MRAS: variants seen among roughly 807,000 people sequenced by gnomAD.
The protein encoded by MRAS is muscle RAS oncogene homolog.
A neutral mutation model predicts 20.9 loss-of-function variants in MRAS; 4 were observed. That is an observed-to-expected ratio of 0.19 (90% CI 0.09 to 0.44). The LOEUF (loss-of-function observed/expected upper bound fraction) is 0.44. Ranked by LOEUF, MRAS falls within the 20% of genes least tolerant of loss-of-function variation. The pLI is 0.99. For missense variants in MRAS, 154 were observed against 277.5 expected (o/e 0.56, Z 3.16); for synonymous variants, 98 against 102.9 (o/e 0.95, Z 0.29).
At chr3:138,398,215 G>C (rs911157033) in intron 3 of MRAS, among the ~76,000 whole-genome samples, 5 of 152,206 alleles carry the variant, frequency 3.3e-5, no homozygotes. Context: ...CCCCTGGCCA[G>C]CAGCCCCTCA....
intron 1 of MRAS, among the ~76,000 whole-genome samples, chr3:138,367,037 T>G (rs1249329962): frequency 6.6e-6 from 1 of 152,184 alleles, no homozygotes; most frequent in African/African-American, 2.4e-5. Context: ...GTGGCAAATT[T>G]CGTGAGGGGT....
At chr3:138,400,212 T>C in intron 4 of MRAS, 1 of 227,152 alleles carries the variant, frequency 4.4e-6, no homozygotes, top group South Asian at 7.7e-5. Flanking sequence ...GAAAAATGGA[T>C]AGAATCAGAA....
chr3:138,369,430 A>AGGACACATT, intron 1 of MRAS, among the ~76,000 whole-genome samples: 1 of 152,272 alleles, frequency 6.6e-6, no homozygotes, highest in South Asian at 2.1e-4. Context: ...GTGTGACCAC[A>AGGACACATT]GGACACATTG....
chr3:138,371,562 G>A (rs955219701), intron 1 of MRAS, among the ~76,000 whole-genome samples: 1 of 152,060 alleles, frequency 6.6e-6, no homozygotes, highest in Non-Finnish European at 1.5e-5. Context: ...CCAGTCACAC[G>A]TACACCATGC....
chr3:138,369,345 G>A (rs192346688), intron 1 of MRAS, among the ~76,000 whole-genome samples: 2 of 152,324 alleles, frequency 1.3e-5, no homozygotes, highest in East Asian at 3.9e-4. Flanking sequence ...AAGCGCAGGT[G>A]GAGGCAGTGC....
At chr3:138,386,005 G>A (rs970396806) in intron 2 of MRAS, among the ~76,000 whole-genome samples, 3 of 152,166 alleles carry the variant, frequency 2.0e-5, no homozygotes, top group African/African-American at 4.8e-5. Flanking sequence ...CCACCCTAGC[G>A]AGAGGGCAGG....
At chr3:138,351,221 C>G (rs1456497820) in intron 1 of MRAS, among the ~76,000 whole-genome samples, 1 of 150,942 alleles carries the variant, frequency 6.6e-6, no homozygotes, top group Admixed American at 6.7e-5. Flanking sequence ...GAGTGTGTCT[C>G]CCTGAAAGCA....
intron 2 of MRAS, among the ~76,000 whole-genome samples, chr3:138,378,118 A>G (rs1411570016): frequency 6.6e-6 from 1 of 152,138 alleles, no homozygotes. Context: ...GTGTGGCTGA[A>G]CTATCATACC....
At chr3:138,355,537 T>C (rs1370698617) in intron 1 of MRAS, among the ~76,000 whole-genome samples, 1 of 152,238 alleles carries the variant, frequency 6.6e-6, no homozygotes, top group Non-Finnish European at 1.5e-5. Flanking sequence ...TCATCTGGTT[T>C]CATAATAGAT....
intron 1 of MRAS, among the ~76,000 whole-genome samples, chr3:138,370,426 G>A (rs2054650749): frequency 6.6e-6 from 1 of 152,192 alleles, no homozygotes; most frequent in African/African-American, 2.4e-5. Flanking sequence ...CCCACGCTCT[G>A]CAGCTCTGAG....
chr3:138,380,471 C>T (rs1354063615), intron 2 of MRAS, among the ~76,000 whole-genome samples: 3 of 146,616 alleles, frequency 2.0e-5, no homozygotes, highest in African/African-American at 7.7e-5. Context: ...CACCACCACG[C>T]CTGGCTAATT....
Position 138,397,331 on chromosome 3 carries a change from C to T in MRAS, c.201C>T (p.Asp67=), listed in dbSNP as rs765417375. Residue 67 remains aspartate, a synonymous_variant, in exon 3 of 6, where the codon GAC becomes GAT. Coordinates refer to ENST00000423968, the MANE Select transcript of MRAS (RefSeq NM_001085049.3). ...GGCCTCATCCCACCCCAGTTCTGGACACAGCTGGGCAGGAGGAATTCAGCG... is the reference window on the plus strand; with the variant it reads ...GGCCTCATCCCACCCCAGTTCTGGATACAGCTGGGCAGGAGGAATTCAGCG... ...DNQWAILDVL[D]TAGQEEFSAM... 1 of 1,613,978 alleles carries T rather than the reference C, an allele frequency of 6.2e-7. No homozygotes were observed. Among genetic ancestry groups the T allele is most frequent in the South Asian group, 1.1e-5 (1 of 91,076 alleles).
intron 2 of MRAS, among the ~76,000 whole-genome samples, chr3:138,390,772 A>G (rs1424237906): frequency 2.6e-5 from 4 of 152,222 alleles, no homozygotes; most frequent in Non-Finnish European, 5.9e-5. Context: ...TCCCAGACCA[A>G]TGGATGGGTT....
chr3:138,363,819 A>ATCCCCCC (rs2054501005), intron 1 of MRAS, among the ~76,000 whole-genome samples: 1 of 32,942 alleles, frequency 3.0e-5, no homozygotes, highest in Non-Finnish European at 6.1e-5. Flanking sequence ...TAGAGGATTT[A>ATCCCCCC]CCCCCCCCCC....
chr3:138,359,605 G>C (rs1228650091), intron 1 of MRAS, among the ~76,000 whole-genome samples: 1 of 152,122 alleles, frequency 6.6e-6, no homozygotes, highest in Non-Finnish European at 1.5e-5. Flanking sequence ...AGCCTTTTTT[G>C]AATGTGCCTT....
chr3:138,361,532 AG>A (rs573398272), intron 1 of MRAS, among the ~76,000 whole-genome samples: 57 of 152,324 alleles, frequency 3.7e-4, no homozygotes, highest in African/African-American at 1.3e-3. Flanking sequence ...AATTTGGGGC[AG>A]AGAGGTGGGC....
At chr3:138,391,305 T>C (rs1230240964) in intron 2 of MRAS, among the ~76,000 whole-genome samples, 3 of 152,224 alleles carry the variant, frequency 2.0e-5, no homozygotes, top group Non-Finnish European at 2.9e-5. Context: ...TTCTGTTGAT[T>C]GTCCTTCAAT....
At chr3:138,391,208 G>A (rs2055126136) in intron 2 of MRAS, among the ~76,000 whole-genome samples, 1 of 151,922 alleles carries the variant, frequency 6.6e-6, no homozygotes, top group South Asian at 2.1e-4. Flanking sequence ...TAAGTGTTTA[G>A]TTAATTTTCA....
intron 2 of MRAS, among the ~76,000 whole-genome samples, chr3:138,386,438 G>T (rs1456260906): frequency 6.6e-6 from 1 of 152,134 alleles, no homozygotes; most frequent in Non-Finnish European, 1.5e-5. Context: ...GTGTGTATCA[G>T]AATTCCATTC....
Sources: allele counts gnomAD v4.1 joint callset (sites outside exome capture counted in the v4.1 genomes callset), GRCh38; gene constraint gnomAD v4.1.1; transcripts MANE v1.5; gene names NCBI Gene and HGNC (gene_info 2026-07-23, HGNC 2026-07-21).